SLC71A2: variants seen among roughly 807,000 people sequenced by gnomAD.
The protein encoded by SLC71A2 is hippocampus abundant transcript-like 1.
At chr9:94,458,787 G>A in the SLC71A2 span, among the ~76,000 whole-genome samples, 1 of 152,052 alleles carries the variant, frequency 6.6e-6, no homozygotes, top group Non-Finnish European at 1.5e-5. Flanking sequence ...GGTACTTTTT[G>A]TACTATTTAT....
the SLC71A2 span, among the ~76,000 whole-genome samples, chr9:94,449,137 G>T: frequency 6.6e-6 from 1 of 152,154 alleles, no homozygotes; most frequent in East Asian, 1.9e-4. Context: ...ATCTCTTTAT[G>T]TAGGTAATAA....
chr9:94,435,617 C>T, the SLC71A2 span, among the ~76,000 whole-genome samples: 1 of 150,066 alleles, frequency 6.7e-6, no homozygotes, highest in African/African-American at 2.5e-5. Context: ...ACTCACTTTT[C>T]CACCAGAATT....
chr9:94,439,061 G>C, the SLC71A2 span, among the ~76,000 whole-genome samples: 16 of 104,992 alleles, frequency 1.5e-4, no homozygotes, highest in Non-Finnish European at 2.2e-4. Flanking sequence ...TTGCCCTGTT[G>C]ACTAGGCTGG....
At chr9:94,450,399 C>T in the SLC71A2 span, among the ~76,000 whole-genome samples, 1 of 151,660 alleles carries the variant, frequency 6.6e-6, no homozygotes, top group African/African-American at 2.4e-5. Flanking sequence ...GGAAGCAAGA[C>T]ACTCATTTGT....
the SLC71A2 span, chr9:94,459,088 G>A: frequency 1.3e-6 from 2 of 1,483,020 alleles, no homozygotes. Flanking sequence ...TTTTTTTTGG[G>A]TAATCTAGGA....
chr9:94,399,868 C>T, the SLC71A2 span, among the ~76,000 whole-genome samples: 9,288 of 149,826 alleles, frequency 0.062, 434 homozygotes, highest in African/African-American at 0.13. Context: ...TGCAATGGTG[C>T]GATCTCGGCT....
the SLC71A2 span, among the ~76,000 whole-genome samples, chr9:94,427,139 T>G: frequency 1.3e-5 from 2 of 152,260 alleles, no homozygotes; most frequent in Non-Finnish European, 2.9e-5. Context: ...ATTATTTACA[T>G]ACTTTATTTT....
At chr9:94,415,974 GTAA>G in the SLC71A2 span, among the ~76,000 whole-genome samples, 1 of 152,296 alleles carries the variant, frequency 6.6e-6, no homozygotes, top group African/African-American at 2.4e-5. Flanking sequence ...GTAACAATGA[GTAA>G]TAATTGTAGG....
the SLC71A2 span, among the ~76,000 whole-genome samples, chr9:94,450,088 A>G: frequency 1.3e-5 from 2 of 152,332 alleles, no homozygotes; most frequent in Non-Finnish European, 2.9e-5. Flanking sequence ...AATGGCTGCT[A>G]CGTTTCTTTG....
chr9:94,400,882 C>T, the SLC71A2 span, among the ~76,000 whole-genome samples: 7 of 152,178 alleles, frequency 4.6e-5, no homozygotes, highest in African/African-American at 1.7e-4. Context: ...ACCCTACCCT[C>T]CAACTCCAGC....
At chr9:94,419,959 G>A in the SLC71A2 span, among the ~76,000 whole-genome samples, 30 of 152,206 alleles carry the variant, frequency 2.0e-4, no homozygotes, top group East Asian at 3.3e-3. Flanking sequence ...TAAACACCTC[G>A]AGCCAGTAAA....
the SLC71A2 span, among the ~76,000 whole-genome samples, chr9:94,448,242 G>A: frequency 3.2e-3 from 482 of 152,106 alleles, 3 homozygotes; most frequent in Middle Eastern, 0.014. Context: ...GGACTTCAGG[G>A]GGACTCAAAA....
the SLC71A2 span, among the ~76,000 whole-genome samples, chr9:94,452,949 A>G: frequency 1.3e-5 from 2 of 151,832 alleles, no homozygotes; most frequent in Non-Finnish European, 2.9e-5. Context: ...AAAGCAGAGC[A>G]TTCTTCTGTG....
the SLC71A2 span, among the ~76,000 whole-genome samples, chr9:94,456,996 TCTCA>T: frequency 1.7e-5 from 2 of 120,976 alleles, no homozygotes; most frequent in Admixed American, 1.1e-4. Context: ...CCTTACAGGG[TCTCA>T]CTGTCACCCA....
At chr9:94,456,619 T>G in the SLC71A2 span, among the ~76,000 whole-genome samples, 4 of 150,294 alleles carry the variant, frequency 2.7e-5, no homozygotes, top group East Asian at 7.8e-4. Flanking sequence ...CTTTTCTTCT[T>G]TAGTGTCACA....
the SLC71A2 span, among the ~76,000 whole-genome samples, chr9:94,431,271 C>T: frequency 5.4e-3 from 812 of 151,728 alleles, 34 homozygotes; most frequent in East Asian, 0.11. Flanking sequence ...TGAGATTGTG[C>T]CACTGCACTC....
chr9:94,450,490 TAAC>T, the SLC71A2 span, among the ~76,000 whole-genome samples: 14 of 116,200 alleles, frequency 1.2e-4, 1 homozygote, highest in Admixed American at 3.9e-4. Context: ...CAAAATAATG[TAAC>T]TTTTTTTTTT....
the SLC71A2 span, among the ~76,000 whole-genome samples, chr9:94,415,934 C>CA: frequency 6.6e-6 from 1 of 152,266 alleles, no homozygotes; most frequent in African/African-American, 2.4e-5. Context: ...GACTTAAGAA[C>CA]ATAGTAAATA....
chr9:94,385,697 T>C, the SLC71A2 span, among the ~76,000 whole-genome samples: 2 of 152,228 alleles, frequency 1.3e-5, no homozygotes. Flanking sequence ...TGCATTCTGT[T>C]CCATTGGTGT....
Sources: gnomAD v4.1 joint callset for allele counts (sites outside exome capture counted in the v4.1 genomes callset) on GRCh38, gnomAD v4.1.1 for gene constraint, MANE v1.5 for transcripts, NCBI Gene and HGNC (gene_info 2026-07-23, HGNC 2026-07-21) for gene names.